The following SEL1L2 variants were observed in gnomAD, a reference collection of about 807,000 sequenced individuals.
SEL1L2 encodes the protein protein sel-1 homolog 2.
A neutral mutation model predicts 98.8 loss-of-function variants in SEL1L2; 89 were observed. The ratio of observed to expected loss-of-function variants is 0.90; its 90% CI spans 0.76 to 1.07. The LOEUF is 1.07. SEL1L2 is among the 50% of genes least tolerant of loss of function. SEL1L2 has a pLI of 0.00. For synonymous variants in SEL1L2, 262 were observed against 278.5 expected, an observed-to-expected ratio of 0.94 and a Z score of 0.59; for missense variants, 788 against 812.0, an observed-to-expected ratio of 0.97 and a Z score of 0.36.
intron 17 of SEL1L2, among the ~76,000 whole-genome samples, chr20:13,863,502 T>C (rs1990501138): frequency 6.6e-6 from 1 of 152,194 alleles, no homozygotes; most frequent in South Asian, 2.1e-4. Context: ...CATGAGTAAC[T>C]GCTAAAAGGA....
intron 2 of SEL1L2, among the ~76,000 whole-genome samples, chr20:13,932,906 A>G: frequency 6.6e-6 from 1 of 152,132 alleles, no homozygotes; most frequent in Non-Finnish European, 1.5e-5. Context: ...GAAGCCATGT[A>G]AAGGACTTTT....
chr20:13,994,250 G>A (rs959240709), upstream of SEL1L2, among the ~76,000 whole-genome samples: 4 of 141,404 alleles, frequency 2.8e-5, no homozygotes, highest in African/African-American at 1.1e-4. Context: ...GAGCTGAGAT[G>A]GAGCCATTGC....
intron 2 of SEL1L2, among the ~76,000 whole-genome samples, chr20:13,955,714 G>A (rs969995556): frequency 2.0e-5 from 3 of 152,124 alleles, no homozygotes; most frequent in Admixed American, 1.3e-4. Context: ...GATTGATAAC[G>A]TTTAATAAGC....
intron 5 of SEL1L2, among the ~76,000 whole-genome samples, chr20:13,895,990 T>C (rs907104334): frequency 1.3e-4 from 19 of 151,280 alleles, no homozygotes; most frequent in African/African-American, 4.6e-4. Flanking sequence ...CTGGCCAACA[T>C]AGCAAAACTC....
intron 1 of SEL1L2, among the ~76,000 whole-genome samples, chr20:13,980,244 C>T (rs2051745538): frequency 6.6e-6 from 1 of 152,184 alleles, no homozygotes; most frequent in Admixed American, 6.6e-5. Context: ...GAGACAGAGT[C>T]TTGCTTTGTT....
intron 5 of SEL1L2, among the ~76,000 whole-genome samples, chr20:13,909,071 T>C (rs1001500770): frequency 2.0e-5 from 3 of 152,202 alleles, no homozygotes; most frequent in African/African-American, 7.2e-5. Context: ...CCCTCAGAGA[T>C]AGTAGATGTC....
intron 2 of SEL1L2, among the ~76,000 whole-genome samples, chr20:13,954,014 C>T (rs901911284): frequency 6.6e-6 from 1 of 152,084 alleles, no homozygotes; most frequent in Non-Finnish European, 1.5e-5. Context: ...AAATTAGATC[C>T]TTAACACAAG....
intron 10 of SEL1L2, among the ~76,000 whole-genome samples, chr20:13,879,264 A>G (rs2147929753): frequency 6.6e-6 from 1 of 152,308 alleles, no homozygotes; most frequent in Admixed American, 6.5e-5. Flanking sequence ...GCTGAAATAG[A>G]ACATCCAAAA....
intron 5 of SEL1L2, among the ~76,000 whole-genome samples, chr20:13,909,535 T>G (rs570346912): frequency 9.2e-4 from 140 of 152,298 alleles, no homozygotes; most frequent in African/African-American, 3.2e-3. Context: ...GGCTCCCTGC[T>G]TATCCAGATG....
intron 2 of SEL1L2, among the ~76,000 whole-genome samples, chr20:13,951,308 G>GAAAA (rs368161101): frequency 7.6e-4 from 88 of 115,480 alleles, no homozygotes; most frequent in Middle Eastern, 8.5e-3. Flanking sequence ...AAGAAAGAAA[G>GAAAA]AAAGAAAATA....
At chr20:13,881,074 C>T (rs532745016) in intron 10 of SEL1L2, among the ~76,000 whole-genome samples, 60 of 152,262 alleles carry the variant, frequency 3.9e-4, no homozygotes, top group South Asian at 3.1e-3. Context: ...AGGGCAGTTG[C>T]GCAATCTCAG....
chr20:13,923,363 G>C (rs887726342), intron 3 of SEL1L2, among the ~76,000 whole-genome samples: 15 of 152,148 alleles, frequency 9.9e-5, no homozygotes. Context: ...ATTGCATTGG[G>C]ATCAGGGAGC....
At chr20:13,934,705 G>T (rs1230318620) in intron 2 of SEL1L2, among the ~76,000 whole-genome samples, 1 of 151,242 alleles carries the variant, frequency 6.6e-6, no homozygotes, top group Non-Finnish European at 1.5e-5. Flanking sequence ...TTTCCACACT[G>T]GTTGTTTTAG....
chr20:13,859,944 T>C (rs1989830731), intron 17 of SEL1L2, among the ~76,000 whole-genome samples: 1 of 152,234 alleles, frequency 6.6e-6, no homozygotes, highest in East Asian at 1.9e-4. Context: ...CCTCAGGTGA[T>C]CCACCCGCCT....
rs187996942 is a variant in SEL1L2 at position 13,895,944 on chromosome 20, G to A, written c.550-7432C>T. ...TCCCAGCATTTTGGTAGGCTGAGGCGGGTGGGTTGCTTGAGGTCAGGGGTT... is the reference window on the plus strand; with the variant it reads ...TCCCAGCATTTTGGTAGGCTGAGGCAGGTGGGTTGCTTGAGGTCAGGGGTT... On this transcript the variant is annotated intron_variant, in intron 5 of 19. Coordinates refer to ENST00000284951, the MANE Select transcript of SEL1L2 (RefSeq NM_025229.2). Among the ~76,000 whole-genome samples, 63 of 152,210 alleles carry A rather than the reference G, an allele frequency of 4.1e-4. No homozygotes were observed. In the East Asian group the frequency reaches 6.8e-3, roughly 16 times the overall value.
At chr20:13,907,731 TTTCTTTCTTTC>T (rs762160425) in intron 5 of SEL1L2, among the ~76,000 whole-genome samples, 174 of 127,346 alleles carry the variant, frequency 1.4e-3, no homozygotes, top group African/African-American at 1.9e-3. Context: ...TCTTTCTTTC[TTTCTTTCTTTC>T]TTTCTTTTCT....
At chr20:13,892,259 G>A (rs1025897601) in intron 5 of SEL1L2, among the ~76,000 whole-genome samples, 2 of 151,988 alleles carry the variant, frequency 1.3e-5, no homozygotes, top group African/African-American at 2.4e-5. Context: ...AAATCAGCCT[G>A]GCCAACATGG....
Position 13,872,820 on chromosome 20 carries a change from G to A in SEL1L2, c.1105-2617C>T, listed in dbSNP as rs143629872. The stretch of plus-strand genomic sequence containing the variant: ...TTCAGACACCTGCAGGAACCATGCC[G>A]GTGATATAAGAAATAAAATATGCCA... On this transcript the variant is annotated intron_variant, in intron 12 of 19. Coordinates refer to ENST00000284951, the MANE Select transcript of SEL1L2 (RefSeq NM_025229.2). Among the ~76,000 whole-genome samples, 1,003 of 152,024 alleles carry A rather than the reference G, an allele frequency of 6.6e-3. 3 individuals carry two copies. The highest frequency in any genetic ancestry group is 0.023 in the South Asian group (112 of 4,808).
intron 3 of SEL1L2, among the ~76,000 whole-genome samples, chr20:13,922,681 CT>C (rs1274416242): frequency 6.6e-6 from 1 of 152,180 alleles, no homozygotes; most frequent in East Asian, 1.9e-4. Context: ...TTTAGTCAGA[CT>C]ATGATATTCA....
Sources: allele counts gnomAD v4.1 joint callset (sites outside exome capture counted in the v4.1 genomes callset), GRCh38; gene constraint gnomAD v4.1.1; transcripts MANE v1.5; gene names NCBI Gene and HGNC (gene_info 2026-07-23, HGNC 2026-07-21).